The following MYO1D variants were observed in gnomAD, a reference collection of about 807,000 sequenced individuals.
MYO1D encodes the protein myosin ID.
MYO1D carries 83 observed loss-of-function variants against 122.0 expected under a neutral mutation model. The observed-to-expected ratio is 0.68, with a 90% CI of 0.57 to 0.82. The LOEUF is 0.82. MYO1D is among the 40% of genes least tolerant of loss of function. The pLI is 0.00. For synonymous variants in MYO1D, 464 were observed against 446.9 expected (o/e 1.04, Z -0.48); for missense variants, 1,157 against 1,269.5 (o/e 0.91, Z 1.35).
At chr17:32,857,649 C>T (rs1460731956) in intron 1 of MYO1D, among the ~76,000 whole-genome samples, 1 of 151,738 alleles carries the variant, frequency 6.6e-6, no homozygotes, top group African/African-American at 2.4e-5. Flanking sequence ...CGTCCCTGAA[C>T]ATGTCACAAC....
intron 21 of MYO1D, among the ~76,000 whole-genome samples, chr17:32,597,837 C>A (rs2087513549): frequency 6.9e-6 from 1 of 144,902 alleles, no homozygotes; most frequent in Admixed American, 7.1e-5. Context: ...CCACTGCACT[C>A]CAGCCTGGGT....
chr17:32,806,929 C>T (rs1453525638), intron 1 of MYO1D, among the ~76,000 whole-genome samples: 1 of 152,140 alleles, frequency 6.6e-6, no homozygotes, highest in Non-Finnish European at 1.5e-5. Flanking sequence ...ACTGGCAACA[C>T]GTAAGCCTTA....
chr17:32,679,387 T>C (rs1162414486), intron 16 of MYO1D, among the ~76,000 whole-genome samples: 2 of 151,998 alleles, frequency 1.3e-5, no homozygotes, highest in Admixed American at 1.3e-4. Flanking sequence ...GTTTTTATGG[T>C]TTTAGGTCTA....
intron 1 of MYO1D, among the ~76,000 whole-genome samples, chr17:32,870,093 C>T (rs1567679660): frequency 6.6e-6 from 1 of 152,074 alleles, no homozygotes; most frequent in Non-Finnish European, 1.5e-5. Context: ...AAAATAGTCT[C>T]GGAAATCTGT....
intron 1 of MYO1D, among the ~76,000 whole-genome samples, chr17:32,854,393 C>T (rs931009314): frequency 1.3e-5 from 2 of 152,230 alleles, no homozygotes; most frequent in African/African-American, 4.8e-5. Flanking sequence ...TCACCTTCCT[C>T]CAAGAAAAGC....
At chr17:32,649,384 C>T (rs1049630011) in intron 19 of MYO1D, among the ~76,000 whole-genome samples, 4 of 152,086 alleles carry the variant, frequency 2.6e-5, no homozygotes, top group African/African-American at 9.7e-5. Flanking sequence ...CCTAGAACTA[C>T]CATTCTATTT....
At chr17:32,789,743 G>C (rs1480124497) in intron 1 of MYO1D, among the ~76,000 whole-genome samples, 1 of 152,126 alleles carries the variant, frequency 6.6e-6, no homozygotes, top group African/African-American at 2.4e-5. Context: ...CAGAGGCAGA[G>C]ACTAGAAGAA....
chr17:32,526,473 C>A lies in MYO1D; in HGVS notation c.2865-31558G>T, dbSNP rs1256823808. ...TGTGCATATATGTATGAAAATGTGG[C>A]ACTACAGACTCCTAGATGGTGTCTG... On this transcript the variant is annotated intron_variant, in intron 21 of 21. Coordinates refer to ENST00000318217, the MANE Select transcript of MYO1D (RefSeq NM_015194.3). Among the ~76,000 whole-genome samples the A allele has an allele frequency of 3.3e-5, 5 of 152,264 alleles. No homozygotes were observed. In the East Asian group the frequency reaches 9.6e-4, roughly 29 times the overall value.
intron 21 of MYO1D, among the ~76,000 whole-genome samples, chr17:32,573,615 G>T (rs1567894758): frequency 6.6e-6 from 1 of 151,998 alleles, no homozygotes; most frequent in South Asian, 2.1e-4. Flanking sequence ...GAACTCCTGG[G>T]CTCAAGCAAT....
At chr17:32,860,233 G>C (rs2091058514) in intron 1 of MYO1D, among the ~76,000 whole-genome samples, 1 of 152,220 alleles carries the variant, frequency 6.6e-6, no homozygotes, top group African/African-American at 2.4e-5. Flanking sequence ...AGTCCTTAGG[G>C]ACTGGCCAGA....
intron 10 of MYO1D, 47 bp downstream of exon 10, chr17:32,760,243 A>G (rs747725180): frequency 1.4e-6 from 2 of 1,422,138 alleles, no homozygotes; most frequent in Non-Finnish European, 2.0e-6. Flanking sequence ...GACATTATCA[A>G]TAATATGAGA....
chr17:32,719,523 TG>T (rs2150990637), intron 15 of MYO1D, among the ~76,000 whole-genome samples: 2 of 152,148 alleles, frequency 1.3e-5, no homozygotes, highest in Admixed American at 1.3e-4. Flanking sequence ...GCTAATTTTT[TG>T]TATTTTTAGT....
chr17:32,553,420 G>A (rs2087039819), intron 21 of MYO1D, among the ~76,000 whole-genome samples: 1 of 152,220 alleles, frequency 6.6e-6, no homozygotes, highest in African/African-American at 2.4e-5. Context: ...GCAGGGGAGA[G>A]TATTGTGGGT....
intron 21 of MYO1D, among the ~76,000 whole-genome samples, chr17:32,574,696 T>C (rs1194047353): frequency 6.6e-6 from 1 of 152,232 alleles, no homozygotes; most frequent in African/African-American, 2.4e-5. Flanking sequence ...GTGGGCTCAC[T>C]ATACAGATTG....
intron 14 of MYO1D, among the ~76,000 whole-genome samples, chr17:32,725,879 C>T (rs1417164174): frequency 2.0e-5 from 3 of 152,220 alleles, no homozygotes; most frequent in East Asian, 1.9e-4. Flanking sequence ...TAAGGAGCAA[C>T]AAAGAGACAG....
rs73280046 is a variant in MYO1D at position 32,684,727 on chromosome 17, G to T, written c.2122-25389C>A. 1.7e-3 allele frequency among the ~76,000 whole-genome samples: 260 copies of T among 152,284 alleles called. 1 individual carries two copies. Among genetic ancestry groups the T allele is most frequent in the African/African-American group, 5.9e-3 (244 of 41,564 alleles). On this transcript the variant is annotated intron_variant, in intron 16 of 21. Transcript: ENST00000318217. Reference sequence around the variant, plus strand: ...TCATGTATTTTCTCAAGTCTGAAGAGAATTTCAAATTCACTGTTGACGGTT... The same window carrying T: ...TCATGTATTTTCTCAAGTCTGAAGATAATTTCAAATTCACTGTTGACGGTT...
At chr17:32,765,935 ATGCAGTGGTGCACCATGGCTCAC>A (rs1413054208) in intron 7 of MYO1D, among the ~76,000 whole-genome samples, 2 of 151,984 alleles carry the variant, frequency 1.3e-5, no homozygotes, top group Admixed American at 1.3e-4. Context: ...CCAGGCTGGA[ATGCAGTGGTGCACCATGGCTCAC>A]TGCAGCCTCA....
chr17:32,727,280 T>C (rs2089588538), intron 14 of MYO1D, among the ~76,000 whole-genome samples: 1 of 152,212 alleles, frequency 6.6e-6, no homozygotes, highest in South Asian at 2.1e-4. Flanking sequence ...ACATTGGACA[T>C]GTGTGCGAGG....
chr17:32,559,508 T>G (rs1444387822), intron 21 of MYO1D, among the ~76,000 whole-genome samples: 1 of 152,262 alleles, frequency 6.6e-6, no homozygotes, highest in Non-Finnish European at 1.5e-5. Flanking sequence ...CATGCTCAGC[T>G]GTAGCCAATC....
Sources: gnomAD v4.1 joint callset for allele counts (sites outside exome capture counted in the v4.1 genomes callset) on GRCh38, gnomAD v4.1.1 for gene constraint, MANE v1.5 for transcripts, NCBI Gene and HGNC (gene_info 2026-07-23, HGNC 2026-07-21) for gene names.